Variants in PDE7A observed in about 807,000 individuals in gnomAD.
PDE7A encodes the protein phosphodiesterase 7A.
A neutral mutation model predicts 64.3 loss-of-function variants in PDE7A; 39 were observed. The observed-to-expected ratio is 0.61, with a 90% CI of 0.47 to 0.79. The LOEUF is 0.79. Ranked by LOEUF, PDE7A falls within the 30% of genes least tolerant of loss-of-function variation. The probability of loss-of-function intolerance (pLI) is 0.00; values close to 1 mark genes in which losing one functional copy is unlikely to be tolerated. For synonymous variants in PDE7A, 203 were observed against 206.8 expected, an observed-to-expected ratio of 0.98 and a Z score of 0.16; for missense variants, 470 against 582.8, an observed-to-expected ratio of 0.81 and a Z score of 1.99.
At chr8:65,786,896 G>C (rs1253550369) in intron 1 of PDE7A, among the ~76,000 whole-genome samples, 1 of 152,192 alleles carries the variant, frequency 6.6e-6, no homozygotes, top group Non-Finnish European at 1.5e-5. Context: ...AAGTTAAACT[G>C]TAAAGCACCA....
At chr8:65,736,891 T>C (rs1251788412) in intron 6 of PDE7A, among the ~76,000 whole-genome samples, 3 of 149,994 alleles carry the variant, frequency 2.0e-5, no homozygotes, top group Non-Finnish European at 4.5e-5. Flanking sequence ...ATTGAGGCTT[T>C]TTTTTTTTTG....
chr8:65,797,787 T>C (rs1177908131), intron 1 of PDE7A, among the ~76,000 whole-genome samples: 5 of 152,024 alleles, frequency 3.3e-5, no homozygotes, highest in South Asian at 2.1e-4. Context: ...GGAAAAACTA[T>C]ATAAATATTT....
chr8:65,800,970 C>T (rs932374510), intron 1 of PDE7A, among the ~76,000 whole-genome samples: 6 of 152,088 alleles, frequency 3.9e-5, no homozygotes, highest in East Asian at 1.9e-4. Flanking sequence ...AAAACAGACA[C>T]GAACAGACAC....
rs1036086040 is a variant in PDE7A at position 65,825,942 on chromosome 8, T to C, written c.138+15429A>G. ...CATAAATAAAACGAAGTGTAACAGG[T>C]AATGGGATAGATGGGGGATGGGTGC... On this transcript the variant is annotated intron_variant, in intron 1 of 12. Coordinates refer to ENST00000401827, the MANE Select transcript of PDE7A (RefSeq NM_001242318.3). 9.9e-5 allele frequency among the ~76,000 whole-genome samples: 15 copies of C among 151,974 alleles called. No individual in the cohort carries two copies. The East Asian group carries it at 2.7e-3, about 27-fold the overall frequency.
intron 1 of PDE7A, among the ~76,000 whole-genome samples, chr8:65,823,507 C>T (rs1810592590): frequency 6.6e-6 from 1 of 152,090 alleles, no homozygotes; most frequent in Admixed American, 6.6e-5. Flanking sequence ...ACTATAACAT[C>T]ACAAAATTAA....
Position 65,718,251 on chromosome 8 carries a change from CAT to C in PDE7A, c.*1037_*1038del, listed in dbSNP as rs1491368377. Reference sequence around the variant, plus strand: ...TCAAATCTTTGCCCACATGGAGAAACATAACATGCACAGTCACACATGCACAA... The same window carrying C: ...TCAAATCTTTGCCCACATGGAGAAACAACATGCACAGTCACACATGCACAA... On this transcript the variant is annotated 3_prime_UTR_variant, in exon 13 of 13. Transcript: ENST00000401827. 2 of 152,184 alleles carry C rather than the reference CAT, an allele frequency of 1.3e-5. No homozygotes were observed. The highest frequency in any genetic ancestry group is 2.9e-5 in the Non-Finnish European group (2 of 68,038). The allele number at this position is 152,184 out of a possible 1,614,324, so 9.4% of individuals were successfully genotyped here. A position where few individuals can be genotyped will look rare whatever the true frequency, so the allele number is the denominator to read the frequency against.
intron 1 of PDE7A, among the ~76,000 whole-genome samples, chr8:65,823,189 A>C (rs1414333048): frequency 6.6e-6 from 1 of 152,078 alleles, no homozygotes; most frequent in Non-Finnish European, 1.5e-5. Context: ...AGTTTGAAAA[A>C]CCACACCTCA....
intron 7 of PDE7A, among the ~76,000 whole-genome samples, chr8:65,729,709 C>A (rs948657612): frequency 4.0e-5 from 6 of 151,206 alleles, no homozygotes; most frequent in African/African-American, 1.2e-4. Flanking sequence ...ATTATAGGCG[C>A]CTACCACCAT....
rs1341990868 is a variant in PDE7A at position 65,715,196 on chromosome 8, T to A, written c.*4094A>T. On this transcript the variant is annotated 3_prime_UTR_variant, in exon 13 of 13. Transcript: ENST00000401827. ...ATCTTTTAAATATTTAACTGTTTCC[T>A]AAAATTTTTTAGAAAAAAATATTCC... Among the ~76,000 whole-genome samples, 2 of 152,128 alleles carry A rather than the reference T, an allele frequency of 1.3e-5. No homozygotes were observed. Among genetic ancestry groups the A allele is most frequent in the Non-Finnish European group, 2.9e-5 (2 of 68,028 alleles).
At chr8:65,740,979 T>C (rs1807402454) in intron 5 of PDE7A, among the ~76,000 whole-genome samples, 2 of 152,290 alleles carry the variant, frequency 1.3e-5, no homozygotes, top group South Asian at 4.1e-4. Context: ...ACTGTTTTCG[T>C]CCTCAACGTC....
intron 12 of PDE7A, chr8:65,723,230 C>G (rs1806462425): frequency 5.9e-6 from 1 of 169,788 alleles, no homozygotes; most frequent in Non-Finnish European, 1.2e-5. Context: ...GTTTACCTAT[C>G]CTTTTTTAAA....
chr8:65,810,975 A>C (rs1190315072), intron 1 of PDE7A, among the ~76,000 whole-genome samples: 1 of 152,218 alleles, frequency 6.6e-6, no homozygotes, highest in Non-Finnish European at 1.5e-5. Context: ...AAACATAATG[A>C]GGGAAAAAAT....
rs550629743 is a variant in PDE7A at position 65,824,913 on chromosome 8, T to C, written c.138+16458A>G. On this transcript the variant is annotated intron_variant, in intron 1 of 12. Coordinates refer to ENST00000401827, the MANE Select transcript of PDE7A (RefSeq NM_001242318.3). ...ACCCACAATATCTGAGGTATGCCTA[T>C]AGATAGAGCAGGTAATTAATAACAA... Among the ~76,000 whole-genome samples, 26 of 152,298 alleles carry C rather than the reference T, an allele frequency of 1.7e-4. No homozygotes were observed. The East Asian group carries it at 5.0e-3, about 29-fold the overall frequency.
At chr8:65,736,580 T>G (rs752646258) in intron 6 of PDE7A, among the ~76,000 whole-genome samples, 29 of 151,866 alleles carry the variant, frequency 1.9e-4, no homozygotes, top group Non-Finnish European at 3.8e-4. Flanking sequence ...AGCAAGACCT[T>G]GTCCCTACTA....
chr8:65,801,910 A>T (rs1181763488), intron 1 of PDE7A, among the ~76,000 whole-genome samples: 2 of 152,250 alleles, frequency 1.3e-5, no homozygotes, highest in African/African-American at 4.8e-5. Context: ...AAGTAAGAGG[A>T]CATGAAGCCT....
At chr8:65,770,798 A>C (rs1809045572) in intron 3 of PDE7A, 1 of 156,494 alleles carries the variant, frequency 6.4e-6, no homozygotes, top group African/African-American at 2.4e-5. Context: ...TAACAATTTG[A>C]ACTTCTTCCA....
chr8:65,826,640 G>GT (rs1252313913), intron 1 of PDE7A, among the ~76,000 whole-genome samples: 2 of 152,210 alleles, frequency 1.3e-5, no homozygotes, highest in Non-Finnish European at 1.5e-5. Flanking sequence ...TGCCTGGCAT[G>GT]TAAGTGCTCA....
At chr8:65,786,952 G>A (rs2128925078) in intron 1 of PDE7A, among the ~76,000 whole-genome samples, 1 of 152,308 alleles carries the variant, frequency 6.6e-6, no homozygotes, top group Middle Eastern at 3.4e-3. Context: ...GCCCTGGTAA[G>A]ACTCACCTTG....
chr8:65,767,328 G>A (rs1808840977), intron 3 of PDE7A, among the ~76,000 whole-genome samples: 1 of 152,186 alleles, frequency 6.6e-6, no homozygotes, highest in South Asian at 2.1e-4. Flanking sequence ...CAGAGACTGT[G>A]CTTTCTGTTG....
Sources: allele counts gnomAD v4.1 joint callset (sites outside exome capture counted in the v4.1 genomes callset), GRCh38; gene constraint gnomAD v4.1.1; transcripts MANE v1.5; gene names NCBI Gene and HGNC (gene_info 2026-07-23, HGNC 2026-07-21).